TTN: variants seen among roughly 807,000 people sequenced by gnomAD.
TTN encodes titin.
A neutral mutation model predicts 3,223.0 loss-of-function variants in TTN; 1,525 were observed. The observed-to-expected ratio is 0.47, with a 90% CI of 0.45 to 0.49. TTN has a LOEUF of 0.49. Among genes scored for constraint, TTN ranks in the 20% least tolerant of loss-of-function variants. The probability of loss-of-function intolerance (pLI) is 0.00; values close to 1 mark genes in which losing one functional copy is unlikely to be tolerated. For missense variants in TTN, 40,786 were observed against 43,424.0 expected, an observed-to-expected ratio of 0.94 and a Z score of 5.40; for synonymous variants, 14,094 against 15,161.0, an observed-to-expected ratio of 0.93 and a Z score of 5.17.
intron 240 of TTN, among the ~76,000 whole-genome samples, chr2:178,627,729 G>GT (rs2059245663): frequency 6.6e-6 from 1 of 151,874 alleles, no homozygotes; most frequent in Non-Finnish European, 1.5e-5. Flanking sequence ...AAATAGTGCA[G>GT]TTTTTGTATT....
rs1158592051 is a variant in TTN, at chr2:178,727,103, C to T, written c.20262G>A (p.Lys6754=). 1 of 1,571,506 alleles carries T rather than the reference C, an allele frequency of 6.4e-7. No individual in the cohort carries two copies. The highest frequency in any genetic ancestry group is 1.8e-5 in the Admixed American group (1 of 56,772). The part of the protein sequence containing the change: ...NPAGSTSCST[K]VIVKEPPVFS... Reference sequence around the variant, plus strand: ...CAAGATGTCTACCTTTTACTATAACCTTGGTACTGCAGCTTGTGCTGCCAG... The same window carrying T: ...CAAGATGTCTACCTTTTACTATAACTTTGGTACTGCAGCTTGTGCTGCCAG... Residue 6754 remains lysine (K), a synonymous_variant, in exon 69 of 363, where the codon AAG becomes AAA. Coordinates refer to ENST00000589042, the MANE Select transcript of TTN (RefSeq NM_001267550.2).
rs537269762 is a variant in TTN at position 178,773,988 on chromosome 2, C to G, written c.7180G>C (p.Glu2394Gln). The G allele has an allele frequency of 7.4e-6, 12 of 1,614,088 alleles. No individual in the cohort carries two copies. In the Admixed American group the frequency reaches 1.8e-4, roughly 25 times the overall value. ...VEGVWMKDGQ[E>Q]VQPSDRVHIV... ...TGAACCCTGTCACTGGGCTGCACTTCTTGGCCGTCTTTCATCCAGACGCCT... is the reference window on the plus strand; with the variant it reads ...TGAACCCTGTCACTGGGCTGCACTTGTTGGCCGTCTTTCATCCAGACGCCT... Residue 2394 changes from glutamate (E) to glutamine (Q), a missense_variant, in exon 31 of 363, where the codon GAA becomes CAA. Coordinates refer to ENST00000589042, the MANE Select transcript of TTN (RefSeq NM_001267550.2).
At position 178,780,984 on chromosome 2, in the gene TTN, A is replaced by G. The variant is rs1489386963; in HGVS notation, c.3523+137T>C. ...GGCCATGTGGTCTAAAACATTTTCCATACAACTGAGGCAAAGACACTGGGG... is the reference window on the plus strand; with the variant it reads ...GGCCATGTGGTCTAAAACATTTTCCGTACAACTGAGGCAAAGACACTGGGG... On this transcript the variant is annotated intron_variant, in intron 21 of 362. Transcript: ENST00000589042. 7.9e-6 allele frequency: 9 copies of G among 1,140,668 alleles called. No homozygotes were observed. The African/African-American group carries it at 9.2e-5, about 12-fold the overall frequency. 70.7% of individuals were successfully genotyped at this position (1,140,668 alleles called of 1,614,324 possible). A position where few individuals can be genotyped will look rare whatever the true frequency, so the allele number is the denominator to read the frequency against.
In TTN at chr2:178,735,709, C is replaced by A; in HGVS notation, c.14737G>T (p.Glu4913Ter). ...KKVHLECQVD[E>*]DRKVTVTWSK... ...CACGTAACTGTGACTTTTCTGTCTT[C>A]ATCTACTTGGCACTCAAGGTGGACC... is the stretch of plus-strand genomic sequence containing the variant. Residue 4913 changes from glutamate (E) to a stop codon, truncating the protein, a stop_gained, in exon 50 of 363, where the codon GAA becomes TAA. Coordinates refer to ENST00000589042, the MANE Select transcript of TTN (RefSeq NM_001267550.2). LOFTEE classifies it high-confidence loss of function. The A allele has an allele frequency of 6.2e-7, 1 of 1,613,780 alleles. No homozygotes were observed. The highest frequency in any genetic ancestry group is 8.5e-7 in the Non-Finnish European group (1 of 1,179,792).
At position 178,566,207 on chromosome 2, in the gene TTN, C is replaced by A; in HGVS notation, c.79925G>T (p.Gly26642Val). Residue 26642 changes from glycine (G) to valine (V), a missense_variant, in exon 326 of 363, where the codon GGA (glycine) becomes GTA (valine). Coordinates refer to ENST00000589042, the MANE Select transcript of TTN (RefSeq NM_001267550.2). ...EFTDKVQIEKGVNYTQLSIDN... is the reference protein window; with the variant it reads ...EFTDKVQIEKVVNYTQLSIDN... ...TATTGATAGTTGGGTATAGTTTACTCCCTTTTCAATTTGGACCTTATCTGT... is the reference window on the plus strand; with the variant it reads ...TATTGATAGTTGGGTATAGTTTACTACCTTTTCAATTTGGACCTTATCTGT... 1 of 1,613,702 alleles carries A rather than the reference C, an allele frequency of 6.2e-7. No individual in the cohort carries two copies. The highest frequency in any genetic ancestry group is 8.5e-7 in the Non-Finnish European group (1 of 1,179,710).
rs776519143 is a variant in TTN at position 178,717,730 on chromosome 2, G to T, written c.25144C>A (p.Arg8382Ser). Residue 8382 changes from arginine (R) to serine (S), a missense_variant, in exon 87 of 363, where the codon CGC (arginine) becomes AGC (serine). By Grantham distance (110) the Arg-to-Ser change is moderately radical. Coordinates refer to ENST00000589042, the MANE Select transcript of TTN (RefSeq NM_001267550.2). ...TLGFPVAFEC[R>S]INGSEPLQVS... ...TGAAGAGGTTCTGAGCCATTGATGCGGCATTCAAATGCAACTGGGAAGCCT... is the reference window on the plus strand; with the variant it reads ...TGAAGAGGTTCTGAGCCATTGATGCTGCATTCAAATGCAACTGGGAAGCCT... 6 of 1,613,194 alleles carry T rather than the reference G, an allele frequency of 3.7e-6. No individual in the cohort carries two copies. The highest frequency in any genetic ancestry group is 4.2e-6 in the Non-Finnish European group (5 of 1,179,542).
chr2:178,617,234 C>T lies in TTN; in HGVS notation c.47761G>A (p.Val15921Ile), dbSNP rs778682806. 6.5e-7 allele frequency: 1 copy of T among 1,541,022 alleles called. No homozygotes were observed. The highest frequency in any genetic ancestry group is 8.7e-7 in the Non-Finnish European group (1 of 1,145,400). The change falls in exon 255 of 363, where the codon GTT becomes ATT. Residue 15921 changes from valine to isoleucine, a missense_variant and splice_region_variant. Transcript: ENST00000589042. ...TTATTTCCTTTTTCCAATCCGGTAA[C>T]CTACGATTATGAATTAATATTTGTA... ...MKLVPELTYK[V>I]TGLEKGNKYL...
At position 178,722,951 on chromosome 2, in the gene TTN, G is replaced by C; in HGVS notation, c.21962-14C>G. 1 of 1,603,176 alleles carries C rather than the reference G, an allele frequency of 6.2e-7. No homozygotes were observed. On this transcript the variant is annotated splice_polypyrimidine_tract_variant and intron_variant, in intron 75 of 362. Coordinates refer to ENST00000589042, the MANE Select transcript of TTN (RefSeq NM_001267550.2). Reference sequence around the variant, plus strand: ...AATAAGGCGGTTCTAAGGAAGAAAGGCTCACAGTTAGCAACTGGAATTAAT... The same window carrying C: ...AATAAGGCGGTTCTAAGGAAGAAAGCCTCACAGTTAGCAACTGGAATTAAT...
Position 178,567,184 on chromosome 2 carries a change from GCCA to G in TTN, c.78945_78947del (p.Gly26316del). 1.2e-6 allele frequency: 2 copies of G among 1,613,176 alleles called. No individual in the cohort carries two copies. Among genetic ancestry groups the G allele is most frequent in the Non-Finnish European group, 1.7e-6 (2 of 1,179,398 alleles). On this transcript the variant is annotated inframe_deletion, in exon 326 of 363. Transcript: ENST00000589042. ...CAACAACATAGTGAGAAATGTCACT[GCCA>G]CCATCTTGAAGTGGTGGAGACCATG... is the stretch of plus-strand genomic sequence containing the variant.
At position 178,718,079 on chromosome 2, in the gene TTN, T is replaced by C. The variant is rs1179963628; in HGVS notation, c.24927A>G (p.Ala8309=). ...CGTTATTTTTGAATTGCATTTTATATGCAGGAGCTGATCGTAGCTTTGTGT... is the reference window on the plus strand; with the variant it reads ...CGTTATTTTTGAATTGCATTTTATACGCAGGAGCTGATCGTAGCTTTGTGT... ...KEHTKLRSAP[A]YKMQFKNNVA... Residue 8309 remains alanine, a synonymous_variant, in exon 86 of 363, where the codon GCA becomes GCG. Transcript: ENST00000589042. 8 of 1,613,676 alleles carry C rather than the reference T, an allele frequency of 5.0e-6. No homozygotes were observed. In the Admixed American group the frequency reaches 5.0e-5, roughly 10 times the overall value.
At chr2:178,770,870 G>A (rs939090467) in intron 34 of TTN, 195 bp from the exon 35 acceptor site, 27 of 851,724 alleles carry the variant, frequency 3.2e-5, no homozygotes, top group Non-Finnish European at 3.8e-5. Flanking sequence ...CATGTACATC[G>A]TGAAATGATT....
rs2154176354 is a variant in TTN, at chr2:178,580,409, C to T, written c.66970G>A (p.Val22324Met). Residue 22324 changes from valine (V) to methionine (M), a missense_variant, in exon 317 of 363, where the codon GTG (valine) becomes ATG (methionine). Coordinates refer to ENST00000589042, the MANE Select transcript of TTN (RefSeq NM_001267550.2). ...TATTTTCCTGCATCATATTTGTTCA[C>T]ATTTTCACAGCGCAAGAAAGTGTCA... ...DFDTFLRCEN[V>M]NKYDAGKYIL... 2 of 1,613,296 alleles carry T rather than the reference C, an allele frequency of 1.2e-6. No individual in the cohort carries two copies. The highest frequency in any genetic ancestry group is 1.1e-5 in the South Asian group (1 of 91,068).
rs779337350 is a variant in TTN, at chr2:178,573,682, A to G, written c.72450T>C (p.Asp24150=). 5.9e-6 allele frequency: 9 copies of G among 1,519,456 alleles called. No individual in the cohort carries two copies. In the African/African-American group the frequency reaches 8.4e-5, roughly 14 times the overall value. 94.1% of individuals were successfully genotyped at this position (1,519,456 alleles called of 1,614,324 possible). A position where few individuals can be genotyped will look rare whatever the true frequency, so the allele number is the denominator to read the frequency against. Reference sequence around the variant, plus strand: ...TGTAATGATCAATTTTGGCACCTCCATCATCCAGTGGAGGGAACCATGATA... The same window carrying G: ...TGTAATGATCAATTTTGGCACCTCCGTCATCCAGTGGAGGGAACCATGATA... ...CVLSWFPPLD[D]GGAKIDHYIV... The change falls in exon 326 of 363, where the codon GAT becomes GAC. Residue 24150 remains aspartate, a synonymous_variant. Transcript: ENST00000589042.
In TTN at chr2:178,537,397, G is replaced by A. The variant is rs564536939; in HGVS notation, c.99810C>T (p.Val33270=). 176 of 1,606,892 alleles carry A rather than the reference G, an allele frequency of 1.1e-4. No individual in the cohort carries two copies. The South Asian group carries it at 1.7e-3, about 16-fold the overall frequency. ...QRKTHAGKYK[V]QLSNVFGTVD... is the part of the protein sequence containing the mutation. Reference sequence around the variant, plus strand: ...CTGTTCCAAAAACATTGCTGAGCTGGACTTTGTATTTCCCAGCATGAGTCT... The same window carrying A: ...CTGTTCCAAAAACATTGCTGAGCTGAACTTTGTATTTCCCAGCATGAGTCT... The change falls in exon 355 of 363, where the codon GTC becomes GTT. Residue 33270 remains valine (V), a synonymous_variant. Coordinates refer to ENST00000589042, the MANE Select transcript of TTN (RefSeq NM_001267550.2).
rs374168580 is a variant in TTN, at chr2:178,588,134, A to T, written c.63273T>A (p.Asp21091Glu). 1 of 1,611,906 alleles carries T rather than the reference A, an allele frequency of 6.2e-7. No individual in the cohort carries two copies. The highest frequency in any genetic ancestry group is 1.1e-5 in the South Asian group (1 of 90,946). The change falls in exon 305 of 363, where the codon GAT (aspartate) becomes GAA (glutamate). Residue 21091 changes from aspartate to glutamate, a missense_variant. Coordinates refer to ENST00000589042, the MANE Select transcript of TTN (RefSeq NM_001267550.2). The stretch of plus-strand genomic sequence containing the variant: ...CATATCCAATGATCGGTGCACCACC[A>T]TCATAGACTGGTTTTCCCCACCCAA... ...ITLGWGKPVYDGGAPIIGYVV... is the reference protein window; with the variant it reads ...ITLGWGKPVYEGGAPIIGYVV...
chr2:178,559,624 C>A lies in TTN; in HGVS notation c.86508G>T (p.Leu28836=). 1 of 1,613,790 alleles carries A rather than the reference C, an allele frequency of 6.2e-7. No individual in the cohort carries two copies. Among genetic ancestry groups the A allele is most frequent in the South Asian group, 1.1e-5 (1 of 91,048 alleles). The change falls in exon 326 of 363, where the codon CTG becomes CTT. Residue 28836 remains leucine (L), a synonymous_variant. Coordinates refer to ENST00000589042, the MANE Select transcript of TTN (RefSeq NM_001267550.2). The part of the protein sequence containing the change: ...TIQNVLSAAS[L]TLVVKVLDTP... ...TATCTAAAACTTTGACAACTAAGGTCAGTGAAGCAGCACTCAAAACATTCT... is the reference window on the plus strand; with the variant it reads ...TATCTAAAACTTTGACAACTAAGGTAAGTGAAGCAGCACTCAAAACATTCT...
intron 9 of TTN, among the ~76,000 whole-genome samples, chr2:178,793,173 C>T (rs541615767): frequency 6.6e-6 from 1 of 152,308 alleles, no homozygotes. Context: ...CCTGTTTCTA[C>T]TCCTGGTGTA....
At position 178,773,096 on chromosome 2, in the gene TTN, T is replaced by C. The variant is rs1486361043; in HGVS notation, c.7855+13A>G. 1 of 1,613,706 alleles carries C rather than the reference T, an allele frequency of 6.2e-7. No individual in the cohort carries two copies. Among genetic ancestry groups the C allele is most frequent in the Non-Finnish European group, 8.5e-7 (1 of 1,179,850 alleles). On this transcript the variant is annotated intron_variant, in intron 33 of 362. Coordinates refer to ENST00000589042, the MANE Select transcript of TTN (RefSeq NM_001267550.2). ...CACTCCTCGTAAGAATTTAGGTTAATAAATATACCAACCTGCCACAGTAAG... is the reference window on the plus strand; with the variant it reads ...CACTCCTCGTAAGAATTTAGGTTAACAAATATACCAACCTGCCACAGTAAG...
Position 178,770,326 on chromosome 2 carries a change from A to G in TTN, c.8381-6T>C. The G allele has an allele frequency of 6.2e-7, 1 of 1,614,160 alleles. No homozygotes were observed. The highest frequency in any genetic ancestry group is 1.1e-5 in the South Asian group (1 of 91,080). On this transcript the variant is annotated splice_polypyrimidine_tract_variant and splice_region_variant and intron_variant, in intron 35 of 362. Transcript: ENST00000589042. ...CTTTTTAATGATCTTGACAGCTAAG[A>G]GGAAAATTGGAGCAATTCAGTGATA...
Sources: gnomAD v4.1 joint callset for allele counts (sites outside exome capture counted in the v4.1 genomes callset) on GRCh38, gnomAD v4.1.1 for gene constraint, MANE v1.5 for transcripts, NCBI Gene and HGNC (gene_info 2026-07-23, HGNC 2026-07-21) for gene names.